The following MVB12B variants were observed in gnomAD, a reference collection of about 807,000 sequenced individuals.
MVB12B encodes the protein ESCRT-I complex subunit MVB12B.
In MVB12B, 16 loss-of-function variants were observed where a neutral mutation model predicts 41.6. The ratio of observed to expected loss-of-function variants is 0.38; its 90% CI spans 0.26 to 0.58. The LOEUF (loss-of-function observed/expected upper bound fraction) is 0.58, where lower values mean the gene tolerates loss of function less well. MVB12B is among the 20% of genes least tolerant of loss of function. The pLI is 0.62. For missense variants in MVB12B, 274 were observed against 380.2 expected (o/e 0.72, Z 2.32); for synonymous variants, 133 against 139.7 (o/e 0.95, Z 0.34).
intron 7 of MVB12B, among the ~76,000 whole-genome samples, chr9:126,445,134 T>C (rs1463114027): frequency 6.6e-6 from 1 of 152,238 alleles, no homozygotes; most frequent in East Asian, 1.9e-4. Flanking sequence ...TAAGTCAATT[T>C]GGGGAGAGTG....
At chr9:126,409,164 A>T (rs1045864442) in intron 6 of MVB12B, among the ~76,000 whole-genome samples, 4 of 152,096 alleles carry the variant, frequency 2.6e-5, no homozygotes, top group Non-Finnish European at 5.9e-5. Flanking sequence ...AAATTTTAGA[A>T]TGCTGATTGA....
chr9:126,401,441 A>T (rs979699362), intron 6 of MVB12B, among the ~76,000 whole-genome samples: 1 of 152,224 alleles, frequency 6.6e-6, no homozygotes, highest in Non-Finnish European at 1.5e-5. Context: ...TCTGTGACAG[A>T]TACTCTGGGA....
intron 2 of MVB12B, among the ~76,000 whole-genome samples, chr9:126,354,228 G>C (rs1052754602): frequency 6.6e-6 from 1 of 152,024 alleles, no homozygotes; most frequent in Admixed American, 6.6e-5. Flanking sequence ...TTCTTTGCCT[G>C]TTATATATGT....
rs558687754 is a variant in MVB12B at position 126,381,736 on chromosome 9, GTT to G, written c.312+574_312+575del. 1.4e-3 allele frequency among the ~76,000 whole-genome samples: 213 copies of G among 150,000 alleles called. 2 individuals are homozygous for G. Among genetic ancestry groups the G allele is most frequent in the African/African-American group, 5.0e-3 (204 of 40,944 alleles). On this transcript the variant is annotated intron_variant, in intron 3 of 9. Transcript: ENST00000361171. ...GGAAACTTTAAAGATACCTACTAAG[GTT>G]TTTTTTTTAAAAACATCTAATAAGA...
chr9:126,372,564 C>G (rs1392925673), intron 2 of MVB12B, among the ~76,000 whole-genome samples: 2 of 152,208 alleles, frequency 1.3e-5, no homozygotes, highest in Admixed American at 6.5e-5. Context: ...TTGTCCTGTC[C>G]TTTTAACTAC....
rs1834010228 is a variant in MVB12B at position 126,503,682 on chromosome 9, T to C, written c.*419T>C. On this transcript the variant is annotated 3_prime_UTR_variant, in exon 10 of 10. Coordinates refer to ENST00000361171, the MANE Select transcript of MVB12B (RefSeq NM_033446.3). Reference sequence around the variant, plus strand: ...CCCACTAAGCCGTTGAGTCTCTTCCTGGAAGACCCTGAGGGCCGGCAGCTT... The same window carrying C: ...CCCACTAAGCCGTTGAGTCTCTTCCCGGAAGACCCTGAGGGCCGGCAGCTT... 6 of 204,796 alleles carry C rather than the reference T, an allele frequency of 2.9e-5. No homozygotes were observed. The South Asian group carries it at 5.6e-4, about 19-fold the overall frequency. 12.7% of individuals were successfully genotyped at this position (204,796 alleles called of 1,614,324 possible). A position where few individuals can be genotyped will look rare whatever the true frequency, so the allele number is the denominator to read the frequency against.
intron 3 of MVB12B, among the ~76,000 whole-genome samples, chr9:126,384,491 G>T (rs1830716268): frequency 6.6e-6 from 1 of 152,028 alleles, no homozygotes; most frequent in South Asian, 2.1e-4. Flanking sequence ...ATATAGTTTA[G>T]ATTTGACATC....
intron 6 of MVB12B, among the ~76,000 whole-genome samples, chr9:126,410,191 G>T (rs75861091): frequency 0.12 from 18,748 of 151,716 alleles, 1,547 homozygotes; most frequent in East Asian, 0.38. Flanking sequence ...GCACGCGCAT[G>T]CATGCATGTG....
Position 126,486,698 on chromosome 9 carries a change from T to C in MVB12B, c.873+2666T>C, listed in dbSNP as rs1269968777. ...CTTTCCATACGTGATCACTGGTTCCTACCCCAGGCCTCATTCCTCCCTGTG... is the reference window on the plus strand; with the variant it reads ...CTTTCCATACGTGATCACTGGTTCCCACCCCAGGCCTCATTCCTCCCTGTG... On this transcript the variant is annotated intron_variant, in intron 9 of 9. Coordinates refer to ENST00000361171, the MANE Select transcript of MVB12B (RefSeq NM_033446.3). The surrounding 1 kb of genome is among the most constrained non-coding windows in gnomAD (Gnocchi z 4.7). Among the ~76,000 whole-genome samples, 6 of 152,212 alleles carry C rather than the reference T, an allele frequency of 3.9e-5. No individual in the cohort carries two copies. Among genetic ancestry groups the C allele is most frequent in the African/African-American group, 1.2e-4 (5 of 41,460 alleles).
intron 4 of MVB12B, among the ~76,000 whole-genome samples, chr9:126,387,524 T>C (rs1035640267): frequency 6.6e-6 from 1 of 152,232 alleles, no homozygotes; most frequent in African/African-American, 2.4e-5. Context: ...GCACTTCATA[T>C]GATATGAACT....
At chr9:126,443,311 A>G (rs1246388961) in intron 7 of MVB12B, among the ~76,000 whole-genome samples, 1 of 152,076 alleles carries the variant, frequency 6.6e-6, no homozygotes, top group Non-Finnish European at 1.5e-5. Context: ...TCCACCAATC[A>G]TTGAGGGCCA....
chr9:126,392,249 G>T lies in MVB12B; in HGVS notation c.539+54G>T. The stretch of plus-strand genomic sequence containing the variant: ...GCTTCTCTTCCCTGAGAGCACTCAG[G>T]CCACTCCAGGCAATGAGGTCCAAGA... On this transcript the variant is annotated intron_variant, in intron 5 of 9. Coordinates refer to ENST00000361171, the MANE Select transcript of MVB12B (RefSeq NM_033446.3). This position sits in a 1 kb window ranked among gnomAD's most constrained non-coding sequence, Gnocchi z 4.8. 6.2e-7 allele frequency: 1 copy of T among 1,602,212 alleles called. No homozygotes were observed. Among genetic ancestry groups the T allele is most frequent in the Non-Finnish European group, 8.5e-7 (1 of 1,171,076 alleles).
At chr9:126,443,370 G>C (rs907650009) in intron 7 of MVB12B, among the ~76,000 whole-genome samples, 1 of 151,402 alleles carries the variant, frequency 6.6e-6, no homozygotes, top group Admixed American at 6.6e-5. Context: ...TTTGCCTCAG[G>C]GTAGGAGGGA....
At chr9:126,394,534 A>G (rs975566267) in intron 5 of MVB12B, among the ~76,000 whole-genome samples, 8 of 152,216 alleles carry the variant, frequency 5.3e-5, no homozygotes, top group Non-Finnish European at 8.8e-5. Flanking sequence ...TCAGAACTCT[A>G]AGTCACTTAT....
Position 126,442,590 on chromosome 9 carries a change from A to G in MVB12B, c.757+20642A>G, listed in dbSNP as rs1282209115. Reference sequence around the variant, plus strand: ...TGGAACTTGAGTGACATATATCACCATGTCACTCAAGTTCCAATTTGGTGA... The same window carrying G: ...TGGAACTTGAGTGACATATATCACCGTGTCACTCAAGTTCCAATTTGGTGA... On this transcript the variant is annotated intron_variant, in intron 7 of 9. Transcript: ENST00000361171. Among the ~76,000 whole-genome samples the G allele has an allele frequency of 2.6e-5, 4 of 152,144 alleles. No individual in the cohort carries two copies. In the East Asian group the frequency reaches 7.7e-4, roughly 29 times the overall value.
chr9:126,474,826 C>T (rs1833389260), intron 7 of MVB12B, among the ~76,000 whole-genome samples: 1 of 152,158 alleles, frequency 6.6e-6, no homozygotes, highest in Non-Finnish European at 1.5e-5. Flanking sequence ...TCTCCTTTCC[C>T]TCACATGGTC....
At chr9:126,481,199 G>A in intron 7 of MVB12B, 170 bp from the exon 8 acceptor site, 1 of 655,424 alleles carries the variant, frequency 1.5e-6, no homozygotes. Flanking sequence ...TGTCCTGGCA[G>A]CAGGGGTGGG....
chr9:126,424,792 G>T (rs10987273), intron 7 of MVB12B, among the ~76,000 whole-genome samples: 1 of 151,842 alleles, frequency 6.6e-6, no homozygotes, highest in Non-Finnish European at 1.5e-5. Context: ...TAATCCAAAC[G>T]GCCACGGCCA....
chr9:126,469,777 G>A (rs917642793), intron 7 of MVB12B, among the ~76,000 whole-genome samples: 2 of 152,200 alleles, frequency 1.3e-5, no homozygotes, highest in African/African-American at 4.8e-5. Flanking sequence ...CAGCAGGTGT[G>A]TGCACTGACC....
Sources: allele counts gnomAD v4.1 joint callset (sites outside exome capture counted in the v4.1 genomes callset), GRCh38; gene constraint gnomAD v4.1.1; non-coding constraint Gnocchi (gnomAD v3.1); transcripts MANE v1.5; gene names NCBI Gene and HGNC (gene_info 2026-07-23, HGNC 2026-07-21).